CFDP1: variants seen among roughly 807,000 people sequenced by gnomAD.
CFDP1 encodes the protein heterochromatin-stabilizing protein CFDP1.
Under a neutral mutation model 40.1 loss-of-function variants are expected in CFDP1, and 31 were observed. That is an observed-to-expected ratio of 0.77 (90% CI 0.58 to 1.04). CFDP1 has a LOEUF of 1.04. Ranked by LOEUF, CFDP1 falls within the 50% of genes least tolerant of loss-of-function variation. The probability of loss-of-function intolerance (pLI) is 0.00; values close to 1 mark genes in which losing one functional copy is unlikely to be tolerated. For synonymous variants in CFDP1, 167 were observed against 120.0 expected (o/e 1.39, Z -2.56); for missense variants, 423 against 343.4 (o/e 1.23, Z -1.83).
chr16:75,381,110 C>A (rs2078848434), intron 5 of CFDP1: 1 of 152,060 alleles, frequency 6.6e-6, no homozygotes, highest in Admixed American at 6.5e-5. Context: ...TTACAATAGT[C>A]CAAGCCTTTC....
At chr16:75,383,675 C>T (rs1468644979) in intron 5 of CFDP1, among the ~76,000 whole-genome samples, 1 of 151,970 alleles carries the variant, frequency 6.6e-6, no homozygotes. Flanking sequence ...AAAAATTAGC[C>T]GGGCATGGTG....
At chr16:75,307,017 C>A (rs2078263166) in intron 5 of CFDP1, among the ~76,000 whole-genome samples, 1 of 152,098 alleles carries the variant, frequency 6.6e-6, no homozygotes, top group Non-Finnish European at 1.5e-5. Flanking sequence ...ACTGCTACTG[C>A]CCGAATTCTC....
At chr16:75,406,967 G>A (rs1214764374) in intron 4 of CFDP1, among the ~76,000 whole-genome samples, 1 of 152,228 alleles carries the variant, frequency 6.6e-6, no homozygotes, top group African/African-American at 2.4e-5. Context: ...GTTGCAGTGA[G>A]CTGAGATCAC....
In CFDP1 at chr16:75,399,617, G is replaced by C. The variant is rs140813805; in HGVS notation, c.531-4408C>G. On this transcript the variant is annotated intron_variant, in intron 4 of 6. Coordinates refer to ENST00000283882, the MANE Select transcript of CFDP1 (RefSeq NM_006324.3). ...TGGATTCAAACTCCTGGGCTCAAGT[G>C]GTCCTCCTGCCTTGGCCTCCCAGTG... 1.5e-3 allele frequency among the ~76,000 whole-genome samples: 225 copies of C among 152,172 alleles called. 1 individual carries two copies. The highest frequency in any genetic ancestry group is 5.3e-3 in the African/African-American group (222 of 41,528).
intron 4 of CFDP1, among the ~76,000 whole-genome samples, chr16:75,398,949 C>A (rs532310717): frequency 1.3e-5 from 2 of 149,674 alleles, no homozygotes; most frequent in Non-Finnish European, 3.0e-5. Context: ...CCCAGCTACT[C>A]GGGAGGCTGA....
At chr16:75,412,489 A>T (rs1567678110) in intron 3 of CFDP1, 46 bp downstream of exon 3, 1 of 1,387,630 alleles carries the variant, frequency 7.2e-7, no homozygotes, top group Non-Finnish European at 1.0e-6. Context: ...TCAGTAATGT[A>T]GGGTATTTCT....
chr16:75,332,193 G>A (rs1243454742), intron 5 of CFDP1, among the ~76,000 whole-genome samples: 6 of 152,068 alleles, frequency 3.9e-5, no homozygotes, highest in Admixed American at 6.6e-5. Context: ...GGCCAGGTGC[G>A]GTGGCTCACG....
chr16:75,366,617 C>T (rs572505391), intron 5 of CFDP1, among the ~76,000 whole-genome samples: 23 of 152,070 alleles, frequency 1.5e-4, no homozygotes, highest in African/African-American at 2.2e-4. Flanking sequence ...AGAGTGAGTG[C>T]GACTCTGTCT....
chr16:75,361,907 T>C (rs2078681895), intron 5 of CFDP1, among the ~76,000 whole-genome samples: 1 of 152,162 alleles, frequency 6.6e-6, no homozygotes, highest in Non-Finnish European at 1.5e-5. Flanking sequence ...TTCCTTCTCC[T>C]ATTCTGCTAC....
chr16:75,430,160 GT>G (rs869033054), intron 1 of CFDP1, among the ~76,000 whole-genome samples: 1 of 114,622 alleles, frequency 8.7e-6, no homozygotes, highest in South Asian at 3.0e-4. Flanking sequence ...GAGACCAGAG[GT>G]TTTTTTTGTT....
intron 5 of CFDP1, among the ~76,000 whole-genome samples, chr16:75,332,922 C>T (rs2078457501): frequency 1.3e-5 from 2 of 150,362 alleles, no homozygotes; most frequent in African/African-American, 4.9e-5. Context: ...ATTCTCCTGC[C>T]TCAGTCTCTG....
intron 5 of CFDP1, among the ~76,000 whole-genome samples, chr16:75,363,465 A>C (rs948527823): frequency 2.7e-5 from 4 of 150,786 alleles, no homozygotes; most frequent in Admixed American, 6.6e-5. Context: ...GCGCAATCTC[A>C]GCTCACTGCA....
chr16:75,325,303 C>T (rs1201172485), intron 5 of CFDP1, among the ~76,000 whole-genome samples: 3 of 152,240 alleles, frequency 2.0e-5, no homozygotes, highest in Non-Finnish European at 4.4e-5. Flanking sequence ...CCCCTTCAGG[C>T]ATGCATCTAC....
At chr16:75,400,430 G>C (rs2079041221) in intron 4 of CFDP1, among the ~76,000 whole-genome samples, 1 of 152,178 alleles carries the variant, frequency 6.6e-6, no homozygotes. Context: ...AAGTACCCTA[G>C]AAAGGCTCAT....
chr16:75,387,182 C>T (rs2078905524), intron 5 of CFDP1, among the ~76,000 whole-genome samples: 1 of 150,766 alleles, frequency 6.6e-6, no homozygotes, highest in East Asian at 1.9e-4. Context: ...CTCTTGTTGC[C>T]CAGGCTGGAG....
chr16:75,395,465 C>G (rs1351669803), intron 4 of CFDP1, among the ~76,000 whole-genome samples: 1 of 151,912 alleles, frequency 6.6e-6, no homozygotes, highest in African/African-American at 2.4e-5. Flanking sequence ...TCGAAACTAT[C>G]CTGGCCAACA....
At chr16:75,379,091 G>GTC (rs2078829773) in intron 5 of CFDP1, among the ~76,000 whole-genome samples, 1 of 36,232 alleles carries the variant, frequency 2.8e-5, no homozygotes, top group Non-Finnish European at 8.8e-5. Context: ...AGCTAAAGCA[G>GTC]TGTGAGGGAA....
At chr16:75,361,342 C>T (rs145237678) in intron 5 of CFDP1, among the ~76,000 whole-genome samples, 138 of 152,186 alleles carry the variant, frequency 9.1e-4, no homozygotes, top group Admixed American at 1.5e-3. Context: ...TAAAGCCGGG[C>T]GCGGTGGCTC....
intron 5 of CFDP1, among the ~76,000 whole-genome samples, chr16:75,359,607 A>C (rs1158083785): frequency 1.3e-5 from 2 of 152,160 alleles, no homozygotes; most frequent in Non-Finnish European, 2.9e-5. Context: ...TGAGACTCCA[A>C]TGCAGTCATG....
Sources: allele counts gnomAD v4.1 joint callset (sites outside exome capture counted in the v4.1 genomes callset), GRCh38; gene constraint gnomAD v4.1.1; transcripts MANE v1.5; gene names NCBI Gene and HGNC (gene_info 2026-07-23, HGNC 2026-07-21).